FHIT: variants seen among roughly 807,000 people sequenced by gnomAD.
FHIT encodes the protein bis(5'-adenosyl)-triphosphatase.
A neutral mutation model predicts 17.9 loss-of-function variants in FHIT; 19 were observed. The ratio of observed to expected loss-of-function variants is 1.06; its 90% CI spans 0.74 to 1.56. The LOEUF (loss-of-function observed/expected upper bound fraction) is 1.56. Ranked by LOEUF, FHIT falls within the 40% of genes most tolerant of loss-of-function variation. The pLI, the probability that FHIT is intolerant of heterozygous loss-of-function variation, is 0.00. For missense variants in FHIT, 248 were observed against 189.2 expected, an observed-to-expected ratio of 1.31 and a Z score of -1.82; for synonymous variants, 81 against 69.7, an observed-to-expected ratio of 1.16 and a Z score of -0.81.
At chr3:60,418,263 T>C (rs930810801) in intron 5 of FHIT, among the ~76,000 whole-genome samples, 3 of 151,166 alleles carry the variant, frequency 2.0e-5, no homozygotes, top group African/African-American at 2.4e-5. Context: ...TGTCTACTCA[T>C]TTTTAGTTTT....
intron 4 of FHIT, chr3:60,732,684 CTTT>C (rs3038041): frequency 0.05 from 8,874 of 175,982 alleles, no homozygotes; most frequent in South Asian, 0.092. Flanking sequence ...GCAAAGACTG[CTTT>C]TTTTTTTTTT....
chr3:60,065,051 G>A (rs766781656), intron 5 of FHIT, among the ~76,000 whole-genome samples: 4 of 152,126 alleles, frequency 2.6e-5, no homozygotes, highest in Non-Finnish European at 5.9e-5. Flanking sequence ...CCTGATTCAA[G>A]TCTCATGCCT....
At chr3:60,536,732 G>A (rs2035993976) in intron 5 of FHIT, 128 bp downstream of exon 5, 2 of 953,234 alleles carry the variant, frequency 2.1e-6, no homozygotes, top group Admixed American at 6.6e-5. Flanking sequence ...CTCCGAAGTG[G>A]GAGGGAGATG....
intron 5 of FHIT, among the ~76,000 whole-genome samples, chr3:60,155,708 TA>T (rs1324968162): frequency 1.3e-5 from 2 of 152,188 alleles, no homozygotes; most frequent in Non-Finnish European, 2.9e-5. Flanking sequence ...GACATTCATT[TA>T]CTGCTAATAA....
At chr3:60,559,628 C>T (rs1248942756) in intron 4 of FHIT, among the ~76,000 whole-genome samples, 3 of 152,150 alleles carry the variant, frequency 2.0e-5, no homozygotes, top group Non-Finnish European at 4.4e-5. Context: ...CAAGAGGTCT[C>T]TCACTAACCA....
chr3:60,778,580 T>C (rs576069848), intron 4 of FHIT, among the ~76,000 whole-genome samples: 18 of 152,214 alleles, frequency 1.2e-4, no homozygotes, highest in Non-Finnish European at 2.4e-4. Context: ...TTTTGAACTA[T>C]TTACAGCCTT....
intron 8 of FHIT, among the ~76,000 whole-genome samples, chr3:59,917,703 G>T (rs1207493855): frequency 2.0e-5 from 3 of 152,162 alleles, no homozygotes; most frequent in African/African-American, 7.2e-5. Context: ...GGGAGAGTTT[G>T]AGCTCAGTTT....
intron 5 of FHIT, among the ~76,000 whole-genome samples, chr3:60,500,411 G>A (rs942988465): frequency 3.3e-5 from 5 of 152,122 alleles, no homozygotes; most frequent in African/African-American, 1.2e-4. Context: ...AACACTTTTA[G>A]ATTAAAATTC....
At chr3:61,154,057 T>C (rs916024470) in intron 2 of FHIT, among the ~76,000 whole-genome samples, 12 of 152,314 alleles carry the variant, frequency 7.9e-5, no homozygotes, top group Admixed American at 2.6e-4. Context: ...AACTGCTCTA[T>C]TCTTTCCACA....
chr3:60,617,564 G>A (rs782120638), intron 4 of FHIT: 1 of 152,530 alleles, frequency 6.6e-6, no homozygotes, highest in Non-Finnish European at 1.5e-5. Context: ...ATTTTTACAG[G>A]CAAGTTTCAA....
intron 5 of FHIT, among the ~76,000 whole-genome samples, chr3:60,401,336 T>G (rs956357136): frequency 1.3e-5 from 2 of 152,204 alleles, no homozygotes; most frequent in Non-Finnish European, 2.9e-5. Flanking sequence ...CTTTCCTTCC[T>G]GATCTGCATC....
At chr3:60,184,923 T>C (rs944179083) in intron 5 of FHIT, among the ~76,000 whole-genome samples, 3 of 152,226 alleles carry the variant, frequency 2.0e-5, no homozygotes, top group African/African-American at 7.2e-5. Flanking sequence ...TGGGAACTCC[T>C]TGAGTTGGCT....
rs1375192130 is a variant in FHIT at position 59,748,429 on chromosome 3, T to C, written c.*1156A>G. Among the ~76,000 whole-genome samples, 1 of 152,066 alleles carries C rather than the reference T, an allele frequency of 6.6e-6. No homozygotes were observed. The highest frequency in any genetic ancestry group is 2.1e-4 in the South Asian group (1 of 4,820). ...CAGGATTCAGCATGATCTGAGAATC[T>C]TGCAAGTAGAACCAAGTTGGTTGGG... On this transcript the variant is annotated 3_prime_UTR_variant, in exon 10 of 10. Coordinates refer to ENST00000492590, the MANE Select transcript of FHIT (RefSeq NM_002012.4).
At chr3:60,534,395 T>TGCAGTCC (rs1226217052) in intron 5 of FHIT, among the ~76,000 whole-genome samples, 8 of 120,918 alleles carry the variant, frequency 6.6e-5, no homozygotes, top group African/African-American at 1.9e-4. Context: ...ATTGCGCCAC[T>TGCAGTCC]GCAGTCCGCA....
intron 5 of FHIT, among the ~76,000 whole-genome samples, chr3:60,174,925 C>T (rs946443713): frequency 6.6e-6 from 1 of 152,134 alleles, no homozygotes. Context: ...TGAGTCACTA[C>T]AGCAGTTAAC....
intron 2 of FHIT, among the ~76,000 whole-genome samples, chr3:61,146,721 G>A (rs1447146859): frequency 6.6e-6 from 1 of 151,996 alleles, no homozygotes; most frequent in Non-Finnish European, 1.5e-5. Context: ...AAATGTCTTT[G>A]TGATATTGCT....
chr3:59,795,159 G>A (rs916727070), intron 8 of FHIT, among the ~76,000 whole-genome samples: 4 of 152,184 alleles, frequency 2.6e-5, no homozygotes, highest in African/African-American at 9.6e-5. Flanking sequence ...GCTGAGGCAT[G>A]CGGATTACTT....
chr3:61,235,182 T>C (rs894452596), intron 1 of FHIT, among the ~76,000 whole-genome samples: 2 of 152,112 alleles, frequency 1.3e-5, no homozygotes, highest in African/African-American at 4.8e-5. Context: ...CTGACCTTTT[T>C]GCCACCTAAG....
intron 4 of FHIT, among the ~76,000 whole-genome samples, chr3:60,573,855 G>C (rs1303947830): frequency 2.0e-5 from 3 of 151,838 alleles, no homozygotes; most frequent in Admixed American, 6.6e-5. Flanking sequence ...TGTCACCCAG[G>C]CTGGGGCGCA....
Sources: gnomAD v4.1 joint callset for allele counts (sites outside exome capture counted in the v4.1 genomes callset) on GRCh38, gnomAD v4.1.1 for gene constraint, MANE v1.5 for transcripts, NCBI Gene and HGNC (gene_info 2026-07-23, HGNC 2026-07-21) for gene names.